The following MYO5B variants were observed in gnomAD, a reference collection of about 807,000 sequenced individuals.
MYO5B encodes the protein myosin VB.
A neutral mutation model predicts 229.3 loss-of-function variants in MYO5B; 143 were observed. The ratio of observed to expected loss-of-function variants is 0.62; its 90% CI spans 0.54 to 0.72. MYO5B has a LOEUF of 0.72. Ranked by LOEUF, MYO5B falls within the 30% of genes least tolerant of loss-of-function variation. The pLI is 0.00. For missense variants in MYO5B, 2,321 were observed against 2,331.0 expected (o/e 1.00, Z 0.09); for synonymous variants, 918 against 885.2 (o/e 1.04, Z -0.66).
intron 9 of MYO5B, among the ~76,000 whole-genome samples, chr18:49,975,565 TA>T (rs1435024828): frequency 3.9e-5 from 6 of 152,106 alleles, no homozygotes; most frequent in African/African-American, 1.4e-4. Context: ...GCGTTTTAAG[TA>T]TGTAAACAAA....
intron 21 of MYO5B, among the ~76,000 whole-genome samples, chr18:49,895,598 C>A (rs957324088): frequency 6.6e-6 from 1 of 152,182 alleles, no homozygotes; most frequent in Non-Finnish European, 1.5e-5. Flanking sequence ...CTTGCCAGCA[C>A]AAAGAGTTGC....
chr18:49,936,206 A>C, intron 16 of MYO5B, 46 bp downstream of exon 16: 7 of 1,501,506 alleles, frequency 4.7e-6, no homozygotes, highest in Non-Finnish European at 6.4e-6. Flanking sequence ...TTCCACCTGA[A>C]CCTCTAAGGC....
chr18:50,004,560 T>C (rs940017400), intron 4 of MYO5B, among the ~76,000 whole-genome samples: 1 of 152,230 alleles, frequency 6.6e-6, no homozygotes, highest in Non-Finnish European at 1.5e-5. Flanking sequence ...GAAAAACTGA[T>C]GATTTTTACT....
chr18:50,017,299 A>G (rs1194976297), intron 4 of MYO5B, among the ~76,000 whole-genome samples: 1 of 150,894 alleles, frequency 6.6e-6, no homozygotes, highest in Non-Finnish European at 1.5e-5. Flanking sequence ...TTTTTTTTGT[A>G]TTTTTAGTAG....
intron 1 of MYO5B, among the ~76,000 whole-genome samples, chr18:50,079,549 G>A (rs994144207): frequency 1.3e-5 from 2 of 152,220 alleles, no homozygotes; most frequent in African/African-American, 4.8e-5. Flanking sequence ...TCAAACCCTG[G>A]GATACAGAAA....
chr18:50,041,185 T>C (rs74523636), intron 2 of MYO5B, among the ~76,000 whole-genome samples: 1,582 of 152,262 alleles, frequency 0.01, 26 homozygotes, highest in African/African-American at 0.035. Context: ...AACCTACTTA[T>C]CAGGAATTCT....
rs58275450 is a variant in MYO5B, at chr18:50,094,690, T to C, written c.28-39312A>G. On this transcript the variant is annotated intron_variant, in intron 1 of 39. Coordinates refer to ENST00000285039, the MANE Select transcript of MYO5B (RefSeq NM_001080467.3). ...TTATCAAAGACAACAGAGATTTGGG[T>C]AACTCTGGTGTTTGTAGATCTCCTC... Among the ~76,000 whole-genome samples, 996 of 152,302 alleles carry C rather than the reference T, an allele frequency of 6.5e-3. 34 individuals carry two copies. The East Asian group carries it at 0.093, about 14-fold the overall frequency.
In MYO5B at chr18:49,856,950, G is replaced by A. The variant is rs1226970469; in HGVS notation, c.3945-60C>T. 2.8e-6 allele frequency: 4 copies of A among 1,420,670 alleles called. No homozygotes were observed. The African/African-American group carries it at 5.6e-5, about 20-fold the overall frequency. 88.0% of individuals were successfully genotyped at this position (1,420,670 alleles called of 1,614,324 possible). A position where few individuals can be genotyped will look rare whatever the true frequency, so the allele number is the denominator to read the frequency against. Reference sequence around the variant, plus strand: ...TGTAGACGGAAGAGACAGGCAGGCAGGGAGTCCTGGAAAGTGAGGAGATTC... The same window carrying A: ...TGTAGACGGAAGAGACAGGCAGGCAAGGAGTCCTGGAAAGTGAGGAGATTC... On this transcript the variant is annotated intron_variant, in intron 29 of 39. Transcript: ENST00000285039.
rs376725688 is a variant in MYO5B at position 49,904,752 on chromosome 18, C to T, written c.2491G>A (p.Ala831Thr). The T allele has an allele frequency of 6.2e-6, 10 of 1,614,010 alleles. No homozygotes were observed. The highest frequency in any genetic ancestry group is 7.6e-6 in the Non-Finnish European group (9 of 1,180,030). Residue 831 changes from alanine to threonine, a missense_variant, in exon 20 of 40, where the codon GCC becomes ACC. Physicochemically the swap from Ala to Thr is moderately conservative, Grantham distance 58. Coordinates refer to ENST00000285039, the MANE Select transcript of MYO5B (RefSeq NM_001080467.3). ...GCAGCTCTGCGGACCCTCTGGTAGG[C>T]CTGGCGGGCCCTCTGCATGCGGTAA... ...KHYRMQRARQ[A>T]YQRVRRAAVV...
intron 14 of MYO5B, among the ~76,000 whole-genome samples, chr18:49,948,973 A>G (rs2025403995): frequency 1.3e-5 from 2 of 152,202 alleles, no homozygotes; most frequent in Admixed American, 6.5e-5. Flanking sequence ...GAGGTGGATG[A>G]GTTTGTTGGA....
intron 17 of MYO5B, among the ~76,000 whole-genome samples, chr18:49,917,799 C>A (rs1026153038): frequency 3.3e-5 from 5 of 152,216 alleles, no homozygotes; most frequent in African/African-American, 1.2e-4. Context: ...GCATTCTGGA[C>A]TTCAGTGGTG....
chr18:49,835,588 A>T (rs2023978018), intron 38 of MYO5B, among the ~76,000 whole-genome samples, 164 bp from the exon 39 acceptor site: 1 of 152,240 alleles, frequency 6.6e-6, no homozygotes, highest in East Asian at 1.9e-4. Flanking sequence ...GCCTGCATCC[A>T]GGAAACTAGA....
intron 14 of MYO5B, among the ~76,000 whole-genome samples, chr18:49,949,991 T>C (rs1025610327): frequency 6.6e-6 from 1 of 152,080 alleles, no homozygotes; most frequent in African/African-American, 2.4e-5. Flanking sequence ...AGAGCATACT[T>C]AGAATCACTC....
At chr18:49,845,992 T>G (rs1309444064) in intron 33 of MYO5B, among the ~76,000 whole-genome samples, 1 of 151,982 alleles carries the variant, frequency 6.6e-6, no homozygotes, top group Non-Finnish European at 1.5e-5. Context: ...TGGCAGCTAG[T>G]GTGGAAGGTC....
chr18:49,926,154 C>A (rs2025126537), intron 17 of MYO5B, among the ~76,000 whole-genome samples: 2 of 152,344 alleles, frequency 1.3e-5, no homozygotes, highest in South Asian at 4.1e-4. Flanking sequence ...TCATCCTGAA[C>A]AATGCTGGGA....
intron 31 of MYO5B, 68 bp downstream of exon 31, chr18:49,853,381 A>T (rs750111234): frequency 6.4e-6 from 10 of 1,564,484 alleles, no homozygotes; most frequent in Non-Finnish European, 7.9e-6. Flanking sequence ...GCCAAAGGCA[A>T]CCCCGATCCC....
intron 21 of MYO5B, among the ~76,000 whole-genome samples, chr18:49,898,153 G>A (rs568437800): frequency 2.0e-5 from 3 of 152,288 alleles, no homozygotes; most frequent in African/African-American, 4.8e-5. Flanking sequence ...CGAAATCTAT[G>A]ATGTTCACAC....
At chr18:49,975,119 GC>G (rs1225824986) in intron 9 of MYO5B, among the ~76,000 whole-genome samples, 1 of 152,152 alleles carries the variant, frequency 6.6e-6, no homozygotes, top group Non-Finnish European at 1.5e-5. Flanking sequence ...TTGACCCACA[GC>G]CCAGAAAGCA....
chr18:50,040,231 C>A lies in MYO5B; in HGVS notation c.222G>T (p.Leu74=), dbSNP rs1326882729. The A allele has an allele frequency of 1.9e-6, 3 of 1,613,912 alleles. No individual in the cohort carries two copies. The highest frequency in any genetic ancestry group is 1.7e-5 in the Admixed American group (1 of 60,006). ...NPDILVGEND[L]TALSYLHEPA... ...GCTCATGAAGATAGCTAAGGGCAGT[C>A]AGGTCATTTTCTCCCACCAAGATAT... Residue 74 remains leucine (L), a synonymous_variant, in exon 3 of 40, where the codon CTG becomes CTT. Coordinates refer to ENST00000285039, the MANE Select transcript of MYO5B (RefSeq NM_001080467.3).
Sources: gnomAD v4.1 joint callset for allele counts (sites outside exome capture counted in the v4.1 genomes callset) on GRCh38, gnomAD v4.1.1 for gene constraint, MANE v1.5 for transcripts, NCBI Gene and HGNC (gene_info 2026-07-23, HGNC 2026-07-21) for gene names.